SORBS2: variants seen among roughly 807,000 people sequenced by gnomAD.
SORBS2 encodes sorbin and SH3 domain containing 2.
SORBS2 carries 46 observed loss-of-function variants against 97.7 expected under a neutral mutation model. The ratio of observed to expected loss-of-function variants is 0.47; its 90% CI spans 0.37 to 0.60. The LOEUF (loss-of-function observed/expected upper bound fraction) is 0.60, where lower values mean the gene tolerates loss of function less well. Ranked by LOEUF, SORBS2 falls within the 20% of genes least tolerant of loss-of-function variation. The probability of loss-of-function intolerance (pLI) is 0.00; values close to 1 mark genes in which losing one functional copy is unlikely to be tolerated. For missense variants in SORBS2, 1,316 were observed against 1,282.3 expected, an observed-to-expected ratio of 1.03 and a Z score of -0.40; for synonymous variants, 476 against 473.4, an observed-to-expected ratio of 1.01 and a Z score of -0.07.
chr4:185,809,455 CAAAAAAAAAA>C (rs55713465), intron 1 of SORBS2, among the ~76,000 whole-genome samples: 14 of 47,288 alleles, frequency 3.0e-4, no homozygotes, highest in Middle Eastern at 0.031. Context: ...ACTGCATTTG[CAAAAAAAAAA>C]AAAAAAAAAA....
intron 1 of SORBS2, among the ~76,000 whole-genome samples, chr4:185,932,415 T>C (rs2099266945): frequency 6.6e-6 from 1 of 151,726 alleles, no homozygotes; most frequent in Non-Finnish European, 1.5e-5. Context: ...ATGATAGTCT[T>C]ACTTCTGGAT....
At chr4:185,711,058 T>C (rs2098416215) in intron 2 of SORBS2, among the ~76,000 whole-genome samples, 2 of 152,182 alleles carry the variant, frequency 1.3e-5, no homozygotes, top group South Asian at 4.1e-4. Flanking sequence ...CAGCCTTGAC[T>C]GCCTGGATTC....
rs1300206756 is a variant in SORBS2 at position 185,614,148 on chromosome 4, TG to T, written c.2595+682del. ...TAGCAGGTTAAAAGAGGTTTTTGAT[TG>T]TTTTTTTGTGTTTTTTTTTTTTTTT... On this transcript the variant is annotated intron_variant, in intron 11 of 14. Coordinates refer to ENST00000418609, the Ensembl canonical transcript of SORBS2. Among the ~76,000 whole-genome samples, 1,262 of 145,398 alleles carry T rather than the reference TG, an allele frequency of 8.7e-3. 9 individuals carry two copies. Among genetic ancestry groups the T allele is most frequent in the African/African-American group, 0.021 (807 of 38,504 alleles).
chr4:185,869,899 G>C (rs902513933), intron 1 of SORBS2, among the ~76,000 whole-genome samples: 2 of 152,146 alleles, frequency 1.3e-5, no homozygotes, highest in African/African-American at 4.8e-5. Context: ...TAATTTAAAG[G>C]TGTCAGTTAA....
chr4:185,858,800 GA>G (rs1404974553), intron 1 of SORBS2, among the ~76,000 whole-genome samples: 1 of 152,256 alleles, frequency 6.6e-6, no homozygotes, highest in Non-Finnish European at 1.5e-5. Context: ...AAAAGGTATG[GA>G]AAAAATGTGA....
At chr4:185,778,604 C>T (rs1236541437) in intron 1 of SORBS2, among the ~76,000 whole-genome samples, 1 of 152,074 alleles carries the variant, frequency 6.6e-6, no homozygotes, top group African/African-American at 2.4e-5. Context: ...TTACAAACAC[C>T]AGTACCCCGG....
intron 2 of SORBS2, among the ~76,000 whole-genome samples, chr4:185,729,470 G>T (rs2098596519): frequency 6.6e-6 from 1 of 152,188 alleles, no homozygotes; most frequent in Admixed American, 6.5e-5. Context: ...TCCTTATGGA[G>T]CTGATGTGGG....
intron 2 of SORBS2, among the ~76,000 whole-genome samples, chr4:185,732,847 A>C (rs1168409678): frequency 2.0e-5 from 3 of 152,228 alleles, no homozygotes. Flanking sequence ...ACTGGAGAAA[A>C]GTGAGCCCTA....
intron 5 of SORBS2, 47 bp from the exon 18 acceptor site, chr4:185,627,066 G>T: frequency 6.4e-7 from 1 of 1,574,508 alleles, no homozygotes; most frequent in Non-Finnish European, 8.7e-7. Context: ...GAGGAGGTTC[G>T]GGTGTGCACC....
At chr4:185,636,818 T>C (rs1371174705) in intron 4 of SORBS2, among the ~76,000 whole-genome samples, 1 of 152,064 alleles carries the variant, frequency 6.6e-6, no homozygotes, top group Non-Finnish European at 1.5e-5. Flanking sequence ...CCAACTAATG[T>C]TTGTATTTTT....
intron 2 of SORBS2, among the ~76,000 whole-genome samples, chr4:185,723,750 T>C (rs1324442820): frequency 6.6e-6 from 1 of 152,124 alleles, no homozygotes; most frequent in Non-Finnish European, 1.5e-5. Flanking sequence ...CTCTGTGGAG[T>C]TGAGGAAAGA....
chr4:185,612,097 GT>G, intron 11 of SORBS2, 117 bp from the exon 24 acceptor site: 1 of 735,730 alleles, frequency 1.4e-6, no homozygotes. Flanking sequence ...TATACCTTCA[GT>G]TTTTGTTTAA....
rs561431027 is a variant in SORBS2, at chr4:185,713,300, A to G, written c.-197-34478T>C. 7.9e-5 allele frequency among the ~76,000 whole-genome samples: 12 copies of G among 152,308 alleles called. No homozygotes were observed. In the South Asian group the frequency reaches 1.7e-3, roughly 21 times the overall value. On this transcript the variant is annotated intron_variant, in intron 2 of 20. Transcript: ENST00000284776. The stretch of plus-strand genomic sequence containing the variant: ...CAGATTTATGCTCCAGCACCTCTGT[A>G]TCAGAGACCTTTCCTAACTGCCCCA...
At chr4:185,753,992 T>G (rs750976777) in intron 2 of SORBS2, among the ~76,000 whole-genome samples, 1 of 152,182 alleles carries the variant, frequency 6.6e-6, no homozygotes, top group Non-Finnish European at 1.5e-5. Context: ...TAAAGACACA[T>G]GCACGCATAT....
intron 1 of SORBS2, among the ~76,000 whole-genome samples, chr4:185,945,427 A>G (rs2150011348): frequency 6.6e-6 from 1 of 152,314 alleles, no homozygotes; most frequent in African/African-American, 2.4e-5. Context: ...GGTCAAGGGT[A>G]GGCACATTTA....
At chr4:185,841,558 G>T (rs2099211544) in intron 1 of SORBS2, among the ~76,000 whole-genome samples, 1 of 152,188 alleles carries the variant, frequency 6.6e-6, no homozygotes, top group South Asian at 2.1e-4. Flanking sequence ...CCCCAAGAAA[G>T]ATGCGGAAGA....
At chr4:185,615,721 T>C (rs1182760484) in intron 9 of SORBS2, among the ~76,000 whole-genome samples, 2 of 152,220 alleles carry the variant, frequency 1.3e-5, no homozygotes, top group Admixed American at 1.3e-4. Flanking sequence ...ATTTATTTTG[T>C]GTAACAGAAA....
At chr4:185,898,207 AG>A (rs1035902979) in intron 1 of SORBS2, among the ~76,000 whole-genome samples, 2 of 152,232 alleles carry the variant, frequency 1.3e-5, no homozygotes, top group African/African-American at 4.8e-5. Flanking sequence ...ACAAGCTGAA[AG>A]GGCAAGATTG....
At chr4:185,804,973 A>G (rs1408330876) in intron 1 of SORBS2, among the ~76,000 whole-genome samples, 1 of 152,124 alleles carries the variant, frequency 6.6e-6, no homozygotes, top group East Asian at 1.9e-4. Flanking sequence ...CTTCAATTTT[A>G]TAACTCTGGA....
Sources: gnomAD v4.1 joint callset for allele counts (sites outside exome capture counted in the v4.1 genomes callset) on GRCh38, gnomAD v4.1.1 for gene constraint, MANE v1.5 for transcripts, NCBI Gene and HGNC (gene_info 2026-07-23, HGNC 2026-07-21) for gene names.